The following FBN3 variants were observed in gnomAD, a reference collection of about 807,000 sequenced individuals.
The protein encoded by FBN3 is fibrillin-3.
A neutral mutation model predicts 330.1 loss-of-function variants in FBN3; 234 were observed. The ratio of observed to expected loss-of-function variants is 0.71; its 90% CI spans 0.64 to 0.79. The LOEUF (loss-of-function observed/expected upper bound fraction) is 0.79. Among genes scored for constraint, FBN3 ranks in the 30% least tolerant of loss-of-function variants. FBN3 has a pLI of 0.00. For synonymous variants in FBN3, 1,458 were observed against 1,517.3 expected (o/e 0.96, Z 0.91); for missense variants, 3,606 against 3,886.9 (o/e 0.93, Z 1.92).
intron 38 of FBN3, among the ~76,000 whole-genome samples, chr19:8,104,384 T>C (rs1018885238): frequency 6.6e-6 from 1 of 150,608 alleles, no homozygotes; most frequent in African/African-American, 2.5e-5. Context: ...GGTGGGAGGA[T>C]CACCTGAGTC....
chr19:8,138,556 C>T lies in FBN3; in HGVS notation c.874G>A (p.Ala292Thr), dbSNP rs1451680144. ...AAAAGCACTGAGAAGCAGGCGCCGG[C>T]CCGGTAGTCTGCAAAAGATCAGAGG... ...DSSAACEDYRAGACFSVLFGG... is the reference protein window; with the variant it reads ...DSSAACEDYRTGACFSVLFGG... Residue 292 changes from alanine (A) to threonine (T), a missense_variant, in exon 9 of 64, where the codon GCC becomes ACC. Physicochemically the swap from Ala to Thr is moderately conservative, Grantham distance 58. Coordinates refer to ENST00000600128, the MANE Select transcript of FBN3 (RefSeq NM_032447.5). 1 of 1,607,478 alleles carries T rather than the reference C, an allele frequency of 6.2e-7. No individual in the cohort carries two copies. Among genetic ancestry groups the T allele is most frequent in the Non-Finnish European group, 8.5e-7 (1 of 1,178,246 alleles).
intron 22 of FBN3, 113 bp from the exon 23 acceptor site, chr19:8,124,121 C>A: frequency 1.1e-6 from 1 of 883,384 alleles, no homozygotes; most frequent in South Asian, 1.6e-5. Flanking sequence ...GTAGTCAGGT[C>A]GAGGGCCAGA....
At chr19:8,082,656 G>C (rs1329155298) in intron 57 of FBN3, among the ~76,000 whole-genome samples, 1 of 151,900 alleles carries the variant, frequency 6.6e-6, no homozygotes, top group Non-Finnish European at 1.5e-5. Context: ...AGCACGTGCA[G>C]CTAATTTTCG....
intron 51 of FBN3, among the ~76,000 whole-genome samples, chr19:8,088,709 G>T (rs1000715622): frequency 1.3e-5 from 2 of 152,188 alleles, no homozygotes; most frequent in South Asian, 2.1e-4. Context: ...CTGAATAAGT[G>T]AGTGAAAGCA....
chr19:8,144,778 G>C lies in FBN3; in HGVS notation c.541+99C>G, dbSNP rs116775391. The C allele has an allele frequency of 9.3e-5, 85 of 910,856 alleles. No homozygotes were observed. The East Asian group carries it at 1.3e-3, about 13-fold the overall frequency. 56.4% of individuals were successfully genotyped at this position (910,856 alleles called of 1,614,324 possible). A position where few individuals can be genotyped will look rare whatever the true frequency, so the allele number is the denominator to read the frequency against. ...CCCAAATGCGGGAAGGAGGCCAGCT[G>C]GTTCCTTTCAAGGCCTGGCCATGTC... On this transcript the variant is annotated intron_variant, in intron 6 of 63. Coordinates refer to ENST00000600128, the MANE Select transcript of FBN3 (RefSeq NM_032447.5).
At chr19:8,085,608 AGGCT>A in intron 55 of FBN3, 39 bp from the exon 56 acceptor site, 1 of 1,458,018 alleles carries the variant, frequency 6.9e-7, no homozygotes, top group Non-Finnish European at 9.1e-7. Context: ...TCACTCCAGG[AGGCT>A]GGTTTGGGGG....
intron 39 of FBN3, among the ~76,000 whole-genome samples, chr19:8,103,127 T>C (rs1389299751): frequency 5.3e-5 from 8 of 151,092 alleles, no homozygotes; most frequent in Non-Finnish European, 1.0e-4. Context: ...ATTAGCTAGG[T>C]GTGGTGGCAC....
chr19:8,104,001 G>A (rs562726426), intron 38 of FBN3, among the ~76,000 whole-genome samples: 62 of 151,916 alleles, frequency 4.1e-4, no homozygotes, highest in Non-Finnish European at 7.9e-4. Context: ...AGCTGGGCAT[G>A]GTGGTGCATG....
At chr19:8,078,690 C>T (rs1212681452) in intron 59 of FBN3, among the ~76,000 whole-genome samples, 1 of 151,890 alleles carries the variant, frequency 6.6e-6, no homozygotes, top group Non-Finnish European at 1.5e-5. Flanking sequence ...GCTGGGATTA[C>T]AGGTGTGAGC....
chr19:8,070,063 C>T (rs962385363), intron 63 of FBN3, among the ~76,000 whole-genome samples: 1 of 152,214 alleles, frequency 6.6e-6, no homozygotes. Context: ...CCTACAGACA[C>T]AGCTCTACCC....
intron 14 of FBN3, among the ~76,000 whole-genome samples, chr19:8,132,746 C>A (rs1167470450): frequency 6.6e-6 from 1 of 152,190 alleles, no homozygotes; most frequent in African/African-American, 2.4e-5. Flanking sequence ...TCTGCCTCGG[C>A]CTCCCAAGGT....
chr19:8,112,132 A>G (rs1435557422), intron 30 of FBN3, 33 bp from the exon 31 acceptor site: 1 of 1,602,536 alleles, frequency 6.2e-7, no homozygotes, highest in African/African-American at 1.3e-5. Flanking sequence ...GCCAAGACCC[A>G]GTCACAGAAG....
Position 8,115,650 on chromosome 19 carries a change from AAG to A in FBN3, c.3713-12_3713-11del, listed in dbSNP as rs2082689688. The A allele has an allele frequency of 6.2e-7, 1 of 1,613,704 alleles. No homozygotes were observed. The highest frequency in any genetic ancestry group is 8.5e-7 in the Non-Finnish European group (1 of 1,179,850). On this transcript the variant is annotated splice_polypyrimidine_tract_variant and intron_variant, in intron 29 of 63. Coordinates refer to ENST00000600128, the MANE Select transcript of FBN3 (RefSeq NM_032447.5). The stretch of plus-strand genomic sequence containing the variant: ...TCACACTCATCCACATCTGTTGGGG[AAG>A]AGAGCATGAGGTCTGAGGACTGGGT...
chr19:8,118,771 A>C, intron 26 of FBN3, 126 bp downstream of exon 26: 1 of 1,176,940 alleles, frequency 8.5e-7, no homozygotes, highest in Non-Finnish European at 1.2e-6. Context: ...ACACATAGGT[A>C]TGGCCTCAGA....
At chr19:8,128,982 G>A (rs761407998) in intron 18 of FBN3, 46 bp downstream of exon 18, 3 of 1,577,390 alleles carry the variant, frequency 1.9e-6, no homozygotes. Flanking sequence ...AAGTATGTTG[G>A]AGCATATGTG....
chr19:8,135,935 T>TTGGGGGGGGGGGGGGGCC, intron 13 of FBN3, 26 bp downstream of exon 13: 7 of 1,344,156 alleles, frequency 5.2e-6, no homozygotes, highest in Non-Finnish European at 7.1e-6. Flanking sequence ...CGGAAGCCCC[T>TTGGGGGGGGGGGGGGGCC]GCCCACCCGC....
At chr19:8,107,271 AC>A (rs138141408) in intron 37 of FBN3, among the ~76,000 whole-genome samples, 181 of 135,476 alleles carry the variant, frequency 1.3e-3, no homozygotes, top group African/African-American at 4.8e-3. Context: ...GGATAAATGG[AC>A]AGAAGGAGGG....
In FBN3 at chr19:8,075,485, C is replaced by T. The variant is rs376877389; in HGVS notation, c.7454-74G>A. The T allele has an allele frequency of 5.0e-5, 76 of 1,505,414 alleles. 1 individual carries two copies. The South Asian group carries it at 9.0e-4, about 18-fold the overall frequency. The allele number at this position is 1,505,414 out of a possible 1,614,324, so 93.3% of individuals were successfully genotyped here. A position where few individuals can be genotyped will look rare whatever the true frequency, so the allele number is the denominator to read the frequency against. On this transcript the variant is annotated intron_variant, in intron 59 of 63. Transcript: ENST00000600128. ...GTGTCAGGTGACACAATGCCAGTCC[C>T]ACCACTGTGTGGCTTCAGGCAAGTT...
At chr19:8,130,580 G>GAAAA (rs1176759655) in intron 16 of FBN3, among the ~76,000 whole-genome samples, 2 of 6,036 alleles carry the variant, frequency 3.3e-4, no homozygotes, top group East Asian at 1.4e-3. Context: ...AAGAAAGAAA[G>GAAAA]AATGAAAGAA....
Sources: allele counts gnomAD v4.1 joint callset (sites outside exome capture counted in the v4.1 genomes callset), GRCh38; gene constraint gnomAD v4.1.1; transcripts MANE v1.5; gene names NCBI Gene and HGNC (gene_info 2026-07-23, HGNC 2026-07-21).